The following PARD3B variants were observed in gnomAD, a reference collection of about 807,000 sequenced individuals.
PARD3B encodes par-3 family cell polarity regulator beta, also known as partitioning defective 3 homolog B.
PARD3B carries 103 observed loss-of-function variants against 130.2 expected under a neutral mutation model. The observed-to-expected ratio is 0.79, with a 90% CI of 0.67 to 0.93. The LOEUF (loss-of-function observed/expected upper bound fraction) is 0.93, where lower values mean the gene tolerates loss of function less well. Among genes scored for constraint, PARD3B ranks in the 40% least tolerant of loss-of-function variants. PARD3B has a pLI of 0.00. For missense variants in PARD3B, 1,609 were observed against 1,499.2 expected, an observed-to-expected ratio of 1.07 and a Z score of -1.21; for synonymous variants, 583 against 553.2, an observed-to-expected ratio of 1.05 and a Z score of -0.76.
chr2:205,103,818 T>A, intron 4 of PARD3B: 18 of 857,062 alleles, frequency 2.1e-5, no homozygotes, highest in Non-Finnish European at 2.5e-5. Context: ...AGGGCCTCTC[T>A]GACCCTCTAA....
At position 205,301,583 on chromosome 2, in the gene PARD3B, A is replaced by G. The variant is rs760422594; in HGVS notation, c.2512A>G (p.Lys838Glu). ...TAAAGCCAGGAAAGTCAAAAAAACG[A>G]AAGAGAAGGAGAAGAAAAAGGAAAA... Reference protein sequence around the residue: ...ENKARKVKKTKEKEKKKEKGK... With the variant: ...ENKARKVKKTEEKEKKKEKGK... Residue 838 changes from lysine (K) to glutamate (E), a missense_variant, in exon 18 of 23, where the codon AAA (lysine) becomes GAA (glutamate). By Grantham distance (56) the Lys-to-Glu change is moderately conservative. Coordinates refer to ENST00000406610, the MANE Select transcript of PARD3B (RefSeq NM_001302769.2). This position sits in a 1 kb window ranked among gnomAD's most constrained non-coding sequence, Gnocchi z 5.2. The G allele has an allele frequency of 1.2e-6, 2 of 1,614,094 alleles. No homozygotes were observed. Among genetic ancestry groups the G allele is most frequent in the South Asian group, 2.2e-5 (2 of 91,074 alleles).
chr2:205,338,259 G>T (rs180693792), intron 18 of PARD3B, among the ~76,000 whole-genome samples: 5 of 149,226 alleles, frequency 3.4e-5, no homozygotes, highest in Admixed American at 2.0e-4. Context: ...AGACAGTGTT[G>T]TACAGTTTAT....
intron 18 of PARD3B, among the ~76,000 whole-genome samples, chr2:205,337,746 T>C (rs572184966): frequency 6.6e-6 from 1 of 152,376 alleles, no homozygotes; most frequent in African/African-American, 2.4e-5. Context: ...ACTTTCTTTT[T>C]GTAAATGAGG....
chr2:205,368,780 C>T (rs912711234), intron 18 of PARD3B, among the ~76,000 whole-genome samples: 2 of 152,006 alleles, frequency 1.3e-5, no homozygotes, highest in South Asian at 4.2e-4. Context: ...GACTGGTAGG[C>T]ATGTCGTGTC....
rs180850625 is a variant in PARD3B at position 204,724,829 on chromosome 2, G to C, written c.222+38547G>C. On this transcript the variant is annotated intron_variant, in intron 2 of 22. Coordinates refer to ENST00000406610, the MANE Select transcript of PARD3B (RefSeq NM_001302769.2). The stretch of plus-strand genomic sequence containing the variant: ...AGTAATAGAGGCCATATATGTCATC[G>C]AATAGTGGGGGGCGGGGGTGGGTAG... 4.3e-5 allele frequency among the ~76,000 whole-genome samples: 6 copies of C among 140,182 alleles called. No homozygotes were observed. In the East Asian group the frequency reaches 1.5e-3, roughly 34 times the overall value. 92.0% of individuals were successfully genotyped at this position (140,182 alleles called of 152,430 possible).
At chr2:205,444,983 T>G (rs2047856097) in intron 20 of PARD3B, among the ~76,000 whole-genome samples, 2 of 152,044 alleles carry the variant, frequency 1.3e-5, no homozygotes, top group Non-Finnish European at 2.9e-5. Flanking sequence ...GAGAATTGAT[T>G]AAGAGGTGAG....
At chr2:205,261,566 C>T (rs1232161706) in intron 16 of PARD3B, among the ~76,000 whole-genome samples, 1 of 152,042 alleles carries the variant, frequency 6.6e-6, no homozygotes, top group Non-Finnish European at 1.5e-5. Flanking sequence ...AGCCATGTGA[C>T]ATAAGAACAA....
intron 2 of PARD3B, among the ~76,000 whole-genome samples, chr2:204,727,151 G>C (rs1322183816): frequency 3.3e-5 from 5 of 152,176 alleles, no homozygotes; most frequent in African/African-American, 1.2e-4. Context: ...CTTGGTGTCA[G>C]AGCTGATGGG....
chr2:205,071,235 A>G (rs1700707718), intron 4 of PARD3B, among the ~76,000 whole-genome samples: 1 of 152,142 alleles, frequency 6.6e-6, no homozygotes. Flanking sequence ...ACATGATTGT[A>G]TTAATTCTTA....
At chr2:205,400,979 ATTG>A in intron 18 of PARD3B, 31 bp from the exon 19 acceptor site, 1 of 1,486,826 alleles carries the variant, frequency 6.7e-7, no homozygotes. Context: ...CAATGTGATT[ATTG>A]TTAACAGCCT....
At chr2:204,744,361 C>A (rs1334335679) in intron 2 of PARD3B, among the ~76,000 whole-genome samples, 1 of 152,106 alleles carries the variant, frequency 6.6e-6, no homozygotes, top group Non-Finnish European at 1.5e-5. Context: ...CCAAAGCAAA[C>A]AAAACCCAAA....
intron 18 of PARD3B, among the ~76,000 whole-genome samples, chr2:205,305,387 T>C (rs1405731698): frequency 6.6e-6 from 1 of 152,222 alleles, no homozygotes; most frequent in Non-Finnish European, 1.5e-5. Context: ...TTATTGAATA[T>C]GATCTATAGT....
At chr2:205,063,911 A>G (rs1000450156) in intron 4 of PARD3B, among the ~76,000 whole-genome samples, 1 of 149,806 alleles carries the variant, frequency 6.7e-6, no homozygotes, top group Non-Finnish European at 1.5e-5. Context: ...CAAAGATACA[A>G]GTAGAGATGC....
rs904713832 is a variant in PARD3B, at chr2:205,460,012, G to A, written c.3044+19340G>A. On this transcript the variant is annotated intron_variant, in intron 20 of 22. Transcript: ENST00000406610. The surrounding 1 kb of genome is among the most constrained non-coding windows in gnomAD (Gnocchi z 4.9). Reference sequence around the variant, plus strand: ...ATGTGAGTGAAAACTGAGAAATGCCGAGAAAGACAGGCAGAACTAGATCTA... The same window carrying A: ...ATGTGAGTGAAAACTGAGAAATGCCAAGAAAGACAGGCAGAACTAGATCTA... Among the ~76,000 whole-genome samples, 8 of 152,048 alleles carry A rather than the reference G, an allele frequency of 5.3e-5. No individual in the cohort carries two copies. The highest frequency in any genetic ancestry group is 1.7e-4 in the African/African-American group (7 of 41,394).
Position 205,035,809 on chromosome 2 carries a change from A to G in PARD3B, c.395-11772A>G, listed in dbSNP as rs1391981370. Among the ~76,000 whole-genome samples the G allele has an allele frequency of 4.2e-4, 6 of 14,364 alleles. No individual in the cohort carries two copies. In the East Asian group the frequency reaches 4.2e-3, roughly 10 times the overall value. 9.4% of individuals were successfully genotyped at this position (14,364 alleles called of 152,430 possible). A position where few individuals can be genotyped will look rare whatever the true frequency, so the allele number is the denominator to read the frequency against. Reference sequence around the variant, plus strand: ...TCAGAGATATATCTCATATATATATATATATATATATCTATATATCTATAT... The same window carrying G: ...TCAGAGATATATCTCATATATATATGTATATATATATCTATATATCTATAT... On this transcript the variant is annotated intron_variant, in intron 3 of 22. Coordinates refer to ENST00000406610, the MANE Select transcript of PARD3B (RefSeq NM_001302769.2).
At chr2:205,478,656 C>G (rs906813700) in intron 20 of PARD3B, among the ~76,000 whole-genome samples, 2 of 152,160 alleles carry the variant, frequency 1.3e-5, no homozygotes, top group Non-Finnish European at 2.9e-5. Context: ...TATTAGAAAA[C>G]TTTATTAATC....
At chr2:204,736,259 C>T (rs529198542) in intron 2 of PARD3B, among the ~76,000 whole-genome samples, 5 of 151,128 alleles carry the variant, frequency 3.3e-5, no homozygotes, top group East Asian at 2.0e-4. Flanking sequence ...AGATGTAAAA[C>T]GTTTTTATTT....
intron 18 of PARD3B, among the ~76,000 whole-genome samples, chr2:205,375,992 G>C (rs1283092596): frequency 6.6e-6 from 1 of 152,082 alleles, no homozygotes; most frequent in Non-Finnish European, 1.5e-5. Flanking sequence ...ATGGACACAG[G>C]GGTCATCTGT....
At chr2:204,717,809 A>AT (rs2038802700) in intron 2 of PARD3B, among the ~76,000 whole-genome samples, 2 of 152,186 alleles carry the variant, frequency 1.3e-5, no homozygotes, top group Admixed American at 1.3e-4. Context: ...GATGACTGGC[A>AT]CAGCAGTAGC....
Sources: allele counts gnomAD v4.1 joint callset (sites outside exome capture counted in the v4.1 genomes callset), GRCh38; gene constraint gnomAD v4.1.1; non-coding constraint Gnocchi (gnomAD v3.1); transcripts MANE v1.5; gene names NCBI Gene and HGNC (gene_info 2026-07-23, HGNC 2026-07-21).